TTC23L: variants seen among roughly 807,000 people sequenced by gnomAD.
TTC23L encodes tetratricopeptide repeat protein 23-like.
In TTC23L, 42 loss-of-function variants were observed where a neutral mutation model predicts 48.1. The observed-to-expected ratio is 0.87, with a 90% CI of 0.68 to 1.13. The LOEUF is 1.13. Ranked by LOEUF, TTC23L falls within the 50% of genes most tolerant of loss-of-function variation. The pLI, the probability that TTC23L is intolerant of heterozygous loss-of-function variation, is 0.00. For synonymous variants in TTC23L, 159 were observed against 157.2 expected (o/e 1.01, Z -0.09); for missense variants, 391 against 421.0 (o/e 0.93, Z 0.62).
chr5:34,890,441 C>CAAAA (rs57798773), intron 9 of TTC23L, among the ~76,000 whole-genome samples: 9 of 56,668 alleles, frequency 1.6e-4, no homozygotes, highest in East Asian at 4.6e-4. Context: ...GACCCTGTCT[C>CAAAA]AAAAAAAAAA....
chr5:34,872,784 T>C (rs1761555403), intron 8 of TTC23L, among the ~76,000 whole-genome samples: 1 of 152,202 alleles, frequency 6.6e-6, no homozygotes, highest in Non-Finnish European at 1.5e-5. Flanking sequence ...GGACTTGGGC[T>C]GGGCGGAGTG....
At chr5:34,912,770 C>T in the TTC23L span, among the ~76,000 whole-genome samples, 3 of 152,218 alleles carry the variant, frequency 2.0e-5, no homozygotes, top group Admixed American at 1.3e-4. Flanking sequence ...GAGACTGAGG[C>T]GGGCAGATCA....
At chr5:34,855,502 A>G (rs1298063677) in intron 4 of TTC23L, among the ~76,000 whole-genome samples, 1 of 152,232 alleles carries the variant, frequency 6.6e-6, no homozygotes, top group Non-Finnish European at 1.5e-5. Context: ...TCAAGAGTCT[A>G]CGAACGACAG....
At chr5:34,899,707 G>A (rs768600048), downstream of TTC23L, among the ~76,000 whole-genome samples, 73 of 152,168 alleles carry the variant, frequency 4.8e-4, no homozygotes, top group Non-Finnish European at 8.7e-4. Context: ...TGGTCAACAC[G>A]GTGAAACCCC....
intron 9 of TTC23L, among the ~76,000 whole-genome samples, chr5:34,893,110 G>A (rs1028626710): frequency 6.6e-6 from 1 of 152,162 alleles, no homozygotes; most frequent in South Asian, 2.1e-4. Flanking sequence ...AGCCGTAGTA[G>A]GAAGAACGTG....
the TTC23L span, chr5:34,921,840 G>A: frequency 6.4e-6 from 1 of 155,540 alleles, no homozygotes; most frequent in Non-Finnish European, 1.4e-5. Context: ...CTGGGAGGTG[G>A]AGGTTGCGGC....
At chr5:34,897,567 C>T (rs1377838825) in intron 10 of TTC23L, among the ~76,000 whole-genome samples, 1 of 152,116 alleles carries the variant, frequency 6.6e-6, no homozygotes, top group African/African-American at 2.4e-5. Context: ...AAGTGATCCT[C>T]CCGCCTCAGC....
intron 9 of TTC23L, among the ~76,000 whole-genome samples, chr5:34,882,661 T>A (rs193278989): frequency 1.8e-3 from 175 of 94,934 alleles, no homozygotes; most frequent in Middle Eastern, 6.4e-3. Context: ...ACACACACAA[T>A]ATCTTTTGAT....
intron 9 of TTC23L, among the ~76,000 whole-genome samples, chr5:34,896,496 A>G (rs1230923920): frequency 6.6e-6 from 1 of 152,196 alleles, no homozygotes; most frequent in East Asian, 1.9e-4. Flanking sequence ...ATTGAGTCTC[A>G]GTTTCTTCAT....
the TTC23L span, chr5:34,908,613 G>GT: frequency 1.7e-6 from 1 of 599,522 alleles, no homozygotes; most frequent in East Asian, 2.9e-5. Flanking sequence ...ACAAAACATA[G>GT]TAACTATTAG....
At chr5:34,878,669 A>G (rs1762018461) in intron 8 of TTC23L, among the ~76,000 whole-genome samples, 1 of 152,232 alleles carries the variant, frequency 6.6e-6, no homozygotes, top group African/African-American at 2.4e-5. Context: ...AGTGGCTATT[A>G]TGAAAAAGAC....
At chr5:34,868,736 C>T (rs2150411329) in intron 7 of TTC23L, 169 bp from the exon 8 acceptor site, 1 of 605,538 alleles carries the variant, frequency 1.7e-6, no homozygotes, top group East Asian at 3.1e-5. Flanking sequence ...CCTTCCCAAA[C>T]CCTAATCAGT....
chr5:34,839,635 A>G, intron 1 of TTC23L: 2 of 985,330 alleles, frequency 2.0e-6, no homozygotes, highest in Non-Finnish European at 2.4e-6. Flanking sequence ...TTTTCGGATA[A>G]TGGATGCTCT....
chr5:34,921,141 A>G, the TTC23L span: 2 of 152,232 alleles, frequency 1.3e-5, no homozygotes, highest in Admixed American at 6.5e-5. Flanking sequence ...TCATCCAGCC[A>G]TAAGTTGTTA....
At chr5:34,873,244 AAT>A (rs1272003419) in intron 8 of TTC23L, among the ~76,000 whole-genome samples, 36 of 152,368 alleles carry the variant, frequency 2.4e-4, no homozygotes, top group Non-Finnish European at 4.0e-4. Flanking sequence ...ATGTAAACAG[AAT>A]ATGACTTTGT....
chr5:34,845,371 T>A, intron 2 of TTC23L, 116 bp from the exon 3 acceptor site: 1 of 1,082,354 alleles, frequency 9.2e-7, no homozygotes, highest in South Asian at 1.8e-5. Context: ...TTCCTTCCGG[T>A]TTATGTTAGA....
downstream of TTC23L, among the ~76,000 whole-genome samples, chr5:34,903,625 C>T (rs1286168725): frequency 6.6e-6 from 1 of 152,170 alleles, no homozygotes; most frequent in Non-Finnish European, 1.5e-5. Flanking sequence ...CTGTGCTCTG[C>T]CCAAAAGTTT....
At chr5:34,858,024 T>C (rs553461953) in intron 4 of TTC23L, among the ~76,000 whole-genome samples, 6 of 152,348 alleles carry the variant, frequency 3.9e-5, no homozygotes, top group Admixed American at 2.0e-4. Context: ...GAATCGATGA[T>C]AGAATCCCAA....
At chr5:34,914,089 TAC>T in the TTC23L span, 1 of 430,950 alleles carries the variant, frequency 2.3e-6, no homozygotes, top group Middle Eastern at 3.4e-4. Flanking sequence ...GCTGTGCACT[TAC>T]GTGTTAAAAA....
Sources: gnomAD v4.1 joint callset for allele counts (sites outside exome capture counted in the v4.1 genomes callset) on GRCh38, gnomAD v4.1.1 for gene constraint, MANE v1.5 for transcripts, NCBI Gene and HGNC (gene_info 2026-07-23, HGNC 2026-07-21) for gene names.